PPFIA1: variants seen among roughly 807,000 people sequenced by gnomAD.
PPFIA1 encodes liprin-alpha-1.
Under a neutral mutation model 149.9 loss-of-function variants are expected in PPFIA1, and 25 were observed. The observed-to-expected ratio is 0.17, with a 90% CI of 0.12 to 0.23. The LOEUF is 0.23. PPFIA1 is among the 10% of genes least tolerant of loss of function. The pLI is 1.00. For synonymous variants in PPFIA1, 549 were observed against 552.8 expected, an observed-to-expected ratio of 0.99 and a Z score of 0.10; for missense variants, 1,362 against 1,506.5, an observed-to-expected ratio of 0.90 and a Z score of 1.59.
At position 70,277,226 on chromosome 11, in the gene PPFIA1, A is replaced by G. The variant is rs940874645; in HGVS notation, c.264+4790A>G. ...AGACAGCGTCTTGCTGTATTGCCCC[A>G]GCTGGTCTTCAACTCCTGGCCTCAG... On this transcript the variant is annotated intron_variant, in intron 2 of 27. Transcript: ENST00000253925. 4.6e-5 allele frequency among the ~76,000 whole-genome samples: 7 copies of G among 151,280 alleles called. No individual in the cohort carries two copies. The South Asian group carries it at 1.0e-3, about 23-fold the overall frequency.
chr11:70,311,269 T>C (rs1036363887), intron 2 of PPFIA1, among the ~76,000 whole-genome samples: 4 of 150,770 alleles, frequency 2.7e-5, no homozygotes, highest in African/African-American at 9.8e-5. Flanking sequence ...GATTGGGCCA[T>C]TGCACCCCAG....
At position 70,325,509 on chromosome 11, in the gene PPFIA1, C is replaced by A; in HGVS notation, c.541C>A (p.Arg181=). The change falls in exon 5 of 28, where the codon CGA becomes AGA. Residue 181 remains arginine (R), a synonymous_variant. Transcript: ENST00000253925. ...CCCCTTTTATTTTCAGGTGAGAGAG[C>A]GATTACGAGTAGCACTTGAAAGATG... The part of the protein sequence containing the change: ...HKALDEKVRE[R]LRVALERCSL... 1.9e-6 allele frequency: 3 copies of A among 1,584,778 alleles called. No individual in the cohort carries two copies. The highest frequency in any genetic ancestry group is 2.2e-5 in the South Asian group (2 of 90,464).
At position 70,382,101 on chromosome 11, in the gene PPFIA1, AAC is replaced by A; in HGVS notation, c.3568_3569del (p.Gln1190GlufsTer26). 1 of 1,614,104 alleles carries A rather than the reference AAC, an allele frequency of 6.2e-7. No homozygotes were observed. The highest frequency in any genetic ancestry group is 8.5e-7 in the Non-Finnish European group (1 of 1,180,016). On this transcript the variant is annotated frameshift_variant, in exon 27 of 28. Coordinates refer to ENST00000253925, the MANE Select transcript of PPFIA1 (RefSeq NM_003626.5). LOFTEE classifies it high-confidence loss of function. ...KMQMDGNVSG[T>X]QRLDSATVRT... ...CTGTTGAAACAGGCAATGTATCAGGAACACAGAGGTTGGATTCTGCTACAGTC... is the reference window on the plus strand; with the variant it reads ...CTGTTGAAACAGGCAATGTATCAGGAACAGAGGTTGGATTCTGCTACAGTC...
rs749305660 is a variant in PPFIA1, at chr11:70,362,080, T to C, written c.2583-15T>C. The C allele has an allele frequency of 1.2e-6, 2 of 1,612,636 alleles. No homozygotes were observed. Among genetic ancestry groups the C allele is most frequent in the Non-Finnish European group, 8.5e-7 (1 of 1,178,836 alleles). On this transcript the variant is annotated splice_polypyrimidine_tract_variant and intron_variant, in intron 19 of 27. Transcript: ENST00000253925. ...CTGGCTGATTCTTTAATTTTCAATA[T>C]CTTCTCCTTTATAGGCATGAATTGC...
intron 2 of PPFIA1, among the ~76,000 whole-genome samples, chr11:70,289,282 C>A (rs977178777): frequency 1.3e-5 from 2 of 151,994 alleles, no homozygotes; most frequent in African/African-American, 4.8e-5. Flanking sequence ...AAGGTAGCAT[C>A]TTTTATGTCC....
At chr11:70,381,649 G>A (rs926393526) in intron 26 of PPFIA1, among the ~76,000 whole-genome samples, 7 of 152,176 alleles carry the variant, frequency 4.6e-5, no homozygotes, top group African/African-American at 1.7e-4. Context: ...TGGCCTCTGC[G>A]CTCAGTGGGG....
chr11:70,344,649 T>A (rs1164697056), intron 15 of PPFIA1, among the ~76,000 whole-genome samples: 1 of 152,254 alleles, frequency 6.6e-6, no homozygotes, highest in Non-Finnish European at 1.5e-5. Context: ...TTTGTTTCAA[T>A]ACACGCAAGT....
In PPFIA1 at chr11:70,371,900, CTT is replaced by C. The variant is rs1038177110; in HGVS notation, c.2866-313_2866-312del. The C allele has an allele frequency of 5.5e-4, 104 of 190,538 alleles. 1 individual carries two copies. The highest frequency in any genetic ancestry group is 2.3e-3 in the African/African-American group (98 of 42,620). The allele number at this position is 190,538 out of a possible 1,614,324, so 11.8% of individuals were successfully genotyped here. On this transcript the variant is annotated intron_variant, in intron 21 of 27. Transcript: ENST00000253925. ...AACTTGTTCATGAGTCGTGATCAAT[CTT>C]TGTCACATTATTATACTAAAAACTA...
At chr11:70,299,474 A>G (rs989269880) in intron 2 of PPFIA1, among the ~76,000 whole-genome samples, 6 of 152,288 alleles carry the variant, frequency 3.9e-5, no homozygotes, top group African/African-American at 7.2e-5. Context: ...GCTATCCACA[A>G]AGATACTGTT....
At chr11:70,283,175 A>G (rs1339141833) in intron 2 of PPFIA1, among the ~76,000 whole-genome samples, 2 of 151,502 alleles carry the variant, frequency 1.3e-5, no homozygotes, top group Non-Finnish European at 2.9e-5. Flanking sequence ...TTTAAAGCAA[A>G]TATTGCCTTT....
chr11:70,382,886 T>A (rs116144599), intron 27 of PPFIA1, 117 bp from the exon 28 acceptor site: 214 of 325,008 alleles, frequency 6.6e-4, no homozygotes, highest in African/African-American at 4.8e-3. Flanking sequence ...AAGTGAGGGG[T>A]CCTGGAGGGG....
At position 70,343,880 on chromosome 11, in the gene PPFIA1, A is replaced by G. The variant is rs753916364; in HGVS notation, c.1919A>G (p.Asn640Ser). Residue 640 changes from asparagine to serine, a missense_variant, in exon 15 of 28, where the codon AAC becomes AGC. This residue lies in a region of PPFIA1 where 733 missense variants were observed against 744.1 expected (regional missense o/e 0.99). Transcript: ENST00000253925. The part of the protein sequence containing the change: ...MMLQEQLDAI[N>S]KEIRLIQEEK... ...CTTCAGGAGCAGCTGGACGCCATCA[A>G]CAAAGAGATCAGGTGTGTGCAACCG... 2.5e-6 allele frequency: 4 copies of G among 1,613,408 alleles called. No individual in the cohort carries two copies. The highest frequency in any genetic ancestry group is 3.3e-5 in the Admixed American group (2 of 59,964).
At chr11:70,319,308 T>C (rs965879675) in intron 2 of PPFIA1, among the ~76,000 whole-genome samples, 1 of 152,236 alleles carries the variant, frequency 6.6e-6, no homozygotes, top group South Asian at 2.1e-4. Context: ...TGCTGCATAA[T>C]TGCAGTCATT....
intron 2 of PPFIA1, among the ~76,000 whole-genome samples, chr11:70,320,847 A>G (rs1398864248): frequency 6.6e-6 from 1 of 152,150 alleles, no homozygotes; most frequent in South Asian, 2.1e-4. Context: ...GGTAGAATGC[A>G]AGGCCTGGGA....
chr11:70,305,451 A>T (rs1378661212), intron 2 of PPFIA1, among the ~76,000 whole-genome samples: 1 of 152,098 alleles, frequency 6.6e-6, no homozygotes, highest in Non-Finnish European at 1.5e-5. Context: ...CGGCTCCTGC[A>T]GCCTCGACCT....
chr11:70,271,289 C>T (rs1400145605), intron 1 of PPFIA1: 1 of 152,410 alleles, frequency 6.6e-6, no homozygotes, highest in Non-Finnish European at 1.5e-5. Context: ...GAGTGCGGCT[C>T]GAGCAGGCTG....
At chr11:70,289,108 C>T (rs1470084388) in intron 2 of PPFIA1, among the ~76,000 whole-genome samples, 1 of 151,784 alleles carries the variant, frequency 6.6e-6, no homozygotes, top group East Asian at 1.9e-4. Flanking sequence ...GCTGGGATTA[C>T]AGGCCCACAC....
intron 19 of PPFIA1, among the ~76,000 whole-genome samples, chr11:70,360,008 G>A (rs1194484942): frequency 6.6e-6 from 1 of 152,254 alleles, no homozygotes; most frequent in Non-Finnish European, 1.5e-5. Flanking sequence ...CAGCCCAGGG[G>A]CATGGTCCCA....
chr11:70,321,952 C>T (rs1565392023), intron 2 of PPFIA1, among the ~76,000 whole-genome samples: 2 of 152,246 alleles, frequency 1.3e-5, no homozygotes, highest in Non-Finnish European at 1.5e-5. Context: ...CCACCGGAAC[C>T]TCCACCTCCC....
Sources: gnomAD v4.1 joint callset for allele counts (sites outside exome capture counted in the v4.1 genomes callset) on GRCh38, gnomAD v4.1.1 for gene constraint, gnomAD v4.1.1 regional missense constraint, MANE v1.5 for transcripts, NCBI Gene and HGNC (gene_info 2026-07-23, HGNC 2026-07-21) for gene names.